SHANK2: variants seen among roughly 807,000 people sequenced by gnomAD.
SHANK2 encodes SH3 and multiple ankyrin repeat domains protein 2.
Under a neutral mutation model 133.7 loss-of-function variants are expected in SHANK2, and 43 were observed. The observed-to-expected ratio is 0.32, with a 90% CI of 0.25 to 0.41. The LOEUF is 0.41. Among genes scored for constraint, SHANK2 ranks in the 10% least tolerant of loss-of-function variants. SHANK2 has a pLI of 1.00. For missense variants in SHANK2, 1,994 were observed against 2,235.8 expected, an observed-to-expected ratio of 0.89 and a Z score of 2.18; for synonymous variants, 1,017 against 952.8, an observed-to-expected ratio of 1.07 and a Z score of -1.24.
At chr11:70,493,088 TC>T (rs1193496748) in intron 21 of SHANK2, among the ~76,000 whole-genome samples, 3 of 151,938 alleles carry the variant, frequency 2.0e-5, no homozygotes, top group African/African-American at 7.2e-5. Context: ...TTGGGCCATT[TC>T]TTTAGTGGAA....
At chr11:70,504,147 C>T (rs782032658) in intron 17 of SHANK2, among the ~76,000 whole-genome samples, 4 of 152,372 alleles carry the variant, frequency 2.6e-5, no homozygotes, top group African/African-American at 4.8e-5. Context: ...ACAGCCAAGA[C>T]GTCATGCCCC....
At chr11:71,133,973 G>T (rs1324831197) in intron 3 of SHANK2, among the ~76,000 whole-genome samples, 17 of 148,138 alleles carry the variant, frequency 1.1e-4, no homozygotes, top group Non-Finnish European at 2.4e-4. Context: ...TTGCCCAGGT[G>T]ATCCCCCTGC....
rs1377954161 is a variant in SHANK2, at chr11:70,820,500, T to G, written c.1357A>C (p.Met453Leu). Residue 453 changes from methionine (M) to leucine (L), a missense_variant, in exon 12 of 26, where the codon ATG becomes CTG. This residue lies in a region of SHANK2 where 653 missense variants were observed against 563.4 expected (regional missense o/e 1.16). Transcript: ENST00000601538. ...RSLSPQLLQQMPSKPEGAAKT... is the reference protein window; with the variant it reads ...RSLSPQLLQQLPSKPEGAAKT... ...GCGGCCCCCTCGGGCTTGCTGGGCA[T>G]CTGCTGCAGCAGCTGGGGTGACAGG... 2.8e-6 allele frequency: 2 copies of G among 716,996 alleles called. No individual in the cohort carries two copies. Among genetic ancestry groups the G allele is most frequent in the Admixed American group, 2.0e-5 (1 of 50,002 alleles). The allele number at this position is 716,996 out of a possible 1,614,324, so 44.4% of individuals were successfully genotyped here. A position where few individuals can be genotyped will look rare whatever the true frequency, so the allele number is the denominator to read the frequency against.
chr11:70,928,983 G>A (rs1366306149), intron 10 of SHANK2, among the ~76,000 whole-genome samples: 1 of 152,164 alleles, frequency 6.6e-6, no homozygotes, highest in Non-Finnish European at 1.5e-5. Context: ...GGGGAGTGCA[G>A]ACCTGTGGAG....
chr11:70,782,626 C>T (rs1947528878), intron 14 of SHANK2, among the ~76,000 whole-genome samples: 1 of 152,248 alleles, frequency 6.6e-6, no homozygotes, highest in South Asian at 2.1e-4. Flanking sequence ...ACCTGCACCA[C>T]TGACAAAGGT....
At chr11:70,742,288 G>T (rs1555034940) in intron 14 of SHANK2, among the ~76,000 whole-genome samples, 1 of 152,108 alleles carries the variant, frequency 6.6e-6, no homozygotes, top group Non-Finnish European at 1.5e-5. Context: ...GTGGACTGTT[G>T]CGCACTCTGG....
chr11:71,119,543 G>C (rs1334120377), intron 3 of SHANK2, among the ~76,000 whole-genome samples: 2 of 145,916 alleles, frequency 1.4e-5, no homozygotes, highest in African/African-American at 5.2e-5. Context: ...TTGCACCACT[G>C]CACTCCAGTC....
chr11:70,757,375 G>C (rs1282984673), intron 14 of SHANK2, among the ~76,000 whole-genome samples: 1 of 152,236 alleles, frequency 6.6e-6, no homozygotes, highest in Non-Finnish European at 1.5e-5. Context: ...GCTGCCCTGA[G>C]AAAGTCCTGC....
chr11:70,555,003 T>C (rs1201182392), intron 17 of SHANK2, among the ~76,000 whole-genome samples: 1 of 152,022 alleles, frequency 6.6e-6, no homozygotes, highest in Non-Finnish European at 1.5e-5. Flanking sequence ...TGCATCTCTG[T>C]GTCACATGTT....
At chr11:70,753,187 CA>C (rs1429398645) in intron 14 of SHANK2, among the ~76,000 whole-genome samples, 1 of 139,864 alleles carries the variant, frequency 7.1e-6, no homozygotes, top group African/African-American at 2.7e-5. Flanking sequence ...AAAAAAAAAA[CA>C]AAAAACAAAC....
intron 25 of SHANK2, among the ~76,000 whole-genome samples, chr11:70,484,095 G>A (rs1241857494): frequency 2.0e-5 from 3 of 152,212 alleles, no homozygotes; most frequent in African/African-American, 7.2e-5. Context: ...TGAAGATGCT[G>A]CCACCTGGGG....
chr11:70,816,953 G>C (rs1341966401), intron 12 of SHANK2, among the ~76,000 whole-genome samples: 2 of 152,206 alleles, frequency 1.3e-5, no homozygotes, highest in African/African-American at 4.8e-5. Flanking sequence ...GCCCAGCATG[G>C]GCCTGGGTAA....
At chr11:70,718,232 T>C (rs931905409) in intron 14 of SHANK2, among the ~76,000 whole-genome samples, 18 of 152,194 alleles carry the variant, frequency 1.2e-4, no homozygotes, top group African/African-American at 4.3e-4. Flanking sequence ...TCCCCAGTAA[T>C]TGCTTTCTCA....
intron 17 of SHANK2, among the ~76,000 whole-genome samples, chr11:70,586,684 A>C (rs1488388376): frequency 6.6e-6 from 1 of 152,198 alleles, no homozygotes; most frequent in African/African-American, 2.4e-5. Flanking sequence ...TGAAAAAAGC[A>C]TTTCCTTCCC....
At chr11:71,068,025 TCATCGCCAC>T (rs1951090459) in intron 9 of SHANK2, among the ~76,000 whole-genome samples, 3 of 150,888 alleles carry the variant, frequency 2.0e-5, no homozygotes, top group South Asian at 4.2e-4. Context: ...ATCACTAGCA[TCATCGCCAC>T]CATCGCCATC....
intron 17 of SHANK2, among the ~76,000 whole-genome samples, chr11:70,545,053 C>T (rs118181304): frequency 0.023 from 3,533 of 152,204 alleles, 51 homozygotes; most frequent in Non-Finnish European, 0.034. Flanking sequence ...GAGGATGGGC[C>T]GGTGGCAAGA....
chr11:70,670,103 A>G (rs964757021), intron 15 of SHANK2, among the ~76,000 whole-genome samples: 64 of 152,096 alleles, frequency 4.2e-4, no homozygotes, highest in African/African-American at 1.5e-3. Context: ...CCACAGAGAG[A>G]CTGGGTGGTG....
chr11:71,207,057 G>A (rs1473588082), intron 2 of SHANK2, among the ~76,000 whole-genome samples: 1 of 150,736 alleles, frequency 6.6e-6, no homozygotes, highest in Non-Finnish European at 1.5e-5. Context: ...CTTTACTCCA[G>A]CCTGGGTGAC....
At chr11:71,149,492 C>A (rs1408315343) in intron 2 of SHANK2, among the ~76,000 whole-genome samples, 7 of 152,136 alleles carry the variant, frequency 4.6e-5, no homozygotes, top group Non-Finnish European at 8.8e-5. Flanking sequence ...CAACCCAGCC[C>A]AAGCTGTAGG....
Sources: allele counts gnomAD v4.1 joint callset (sites outside exome capture counted in the v4.1 genomes callset), GRCh38; gene constraint gnomAD v4.1.1; regional missense constraint gnomAD v4.1.1; transcripts MANE v1.5; gene names NCBI Gene and HGNC (gene_info 2026-07-23, HGNC 2026-07-21).